Variants in COL18A1 observed in about 807,000 individuals in gnomAD.
COL18A1 encodes collagen alpha-1(XVIII) chain.
Under a neutral mutation model 168.0 loss-of-function variants are expected in COL18A1, and 133 were observed. That is an observed-to-expected ratio of 0.79 (90% confidence interval 0.69 to 0.91). COL18A1 has a LOEUF of 0.91. COL18A1 is among the 40% of genes least tolerant of loss of function. COL18A1 has a pLI of 0.00. For missense variants in COL18A1, 2,126 were observed against 1,925.4 expected, an observed-to-expected ratio of 1.10 and a Z score of -1.95; for synonymous variants, 949 against 809.0, an observed-to-expected ratio of 1.17 and a Z score of -2.94.
At chr21:45,460,091 G>T (rs549323716) in intron 2 of COL18A1, among the ~76,000 whole-genome samples, 1 of 151,796 alleles carries the variant, frequency 6.6e-6, no homozygotes, top group Non-Finnish European at 1.5e-5. Context: ...GGACAGACAC[G>T]TGTGCGTGCC....
chr21:45,469,268 C>T (rs752480537), intron 3 of COL18A1, among the ~76,000 whole-genome samples: 4 of 152,262 alleles, frequency 2.6e-5, no homozygotes, highest in East Asian at 1.9e-4. Flanking sequence ...CCACACGCCT[C>T]GTGGCCCCAT....
intron 15 of COL18A1, among the ~76,000 whole-genome samples, chr21:45,484,868 T>C (rs576125670): frequency 2.6e-4 from 39 of 152,248 alleles, no homozygotes; most frequent in Admixed American, 4.6e-4. Flanking sequence ...AAATTAGATA[T>C]GCATGTATGA....
Position 45,504,793 on chromosome 21 carries a change from G to C in COL18A1, c.2868+237G>C, listed in dbSNP as rs767646662. On this transcript the variant is annotated intron_variant, in intron 34 of 41. Transcript: ENST00000651438. ...CGTTCCATGGCCTGCCCTCCTGCTGGGGCCACGTGCATCCACCTCTGCTCC... is the reference window on the plus strand; with the variant it reads ...CGTTCCATGGCCTGCCCTCCTGCTGCGGCCACGTGCATCCACCTCTGCTCC... 9.1e-4 allele frequency among the ~76,000 whole-genome samples: 138 copies of C among 152,232 alleles called. 1 individual carries two copies. The highest frequency in any genetic ancestry group is 1.7e-3 in the Non-Finnish European group (118 of 67,978).
chr21:45,472,104 C>G (rs756573920), intron 3 of COL18A1, among the ~76,000 whole-genome samples: 2 of 152,204 alleles, frequency 1.3e-5, no homozygotes, highest in African/African-American at 2.4e-5. Context: ...ACGGGCCTCT[C>G]TGGACAGTGC....
At chr21:45,421,842 C>T (rs1043803205) in intron 2 of COL18A1, among the ~76,000 whole-genome samples, 3 of 151,972 alleles carry the variant, frequency 2.0e-5, no homozygotes, top group Non-Finnish European at 2.9e-5. Flanking sequence ...AGCCCGGGGT[C>T]CCCCAGGGCC....
At chr21:45,450,219 C>A (rs1277903759) in intron 2 of COL18A1, among the ~76,000 whole-genome samples, 2 of 152,170 alleles carry the variant, frequency 1.3e-5, no homozygotes, top group African/African-American at 4.8e-5. Context: ...TGAGGGGTCT[C>A]TGCAGGACAT....
intron 5 of COL18A1, 129 bp downstream of exon 5, chr21:45,475,664 C>A: frequency 1.2e-6 from 1 of 836,214 alleles, no homozygotes; most frequent in Non-Finnish European, 1.9e-6. Context: ...AGACATATTC[C>A]TGGCTGGGGA....
At position 45,455,717 on chromosome 21, in the gene COL18A1, C is replaced by T. The variant is rs2145851323; in HGVS notation, c.107-12525C>T. 1.2e-6 allele frequency: 2 copies of T among 1,613,962 alleles called. No individual in the cohort carries two copies. The highest frequency in any genetic ancestry group is 8.5e-7 in the Non-Finnish European group (1 of 1,180,004). On this transcript the variant is annotated intron_variant, in intron 2 of 41. Coordinates refer to ENST00000651438, the MANE Select transcript of COL18A1 (RefSeq NM_001379500.1). ...GCAGCCCACAGCAGATACCACCACA[C>T]ACGTGACCCCCCGGAATGGTTCCAC...
chr21:45,437,302 TCACACAGGCACTCTCCTGCACACA>T (rs2034153781), intron 2 of COL18A1, among the ~76,000 whole-genome samples: 1 of 29,138 alleles, frequency 3.4e-5, no homozygotes. Flanking sequence ...ACACACACAC[TCACACAGGCACTCTCCTGCACACA>T]CACACACTCA....
At chr21:45,467,838 G>A (rs1034925037) in intron 2 of COL18A1, among the ~76,000 whole-genome samples, 3 of 152,266 alleles carry the variant, frequency 2.0e-5, no homozygotes, top group African/African-American at 4.8e-5. Context: ...CGGGGGTGCC[G>A]GCCAGTCCCT....
At chr21:45,450,634 G>C (rs1037281987) in intron 2 of COL18A1, among the ~76,000 whole-genome samples, 1 of 152,226 alleles carries the variant, frequency 6.6e-6, no homozygotes, top group East Asian at 1.9e-4. Context: ...ACCCTGGCTC[G>C]GGGCAGGGCG....
chr21:45,445,463 C>G lies in COL18A1; in HGVS notation c.107-22779C>G, dbSNP rs186927432. ...TGTGGACGTGTGTCTTCGTTTCTCTCGGGTATATACCTAAGGTGGAATCAC... is the reference window on the plus strand; with the variant it reads ...TGTGGACGTGTGTCTTCGTTTCTCTGGGGTATATACCTAAGGTGGAATCAC... On this transcript the variant is annotated intron_variant, in intron 2 of 41. Transcript: ENST00000651438. Among the ~76,000 whole-genome samples the G allele has an allele frequency of 7.3e-3, 1,106 of 152,284 alleles. 2 individuals carry two copies. Among genetic ancestry groups the G allele is most frequent in the Non-Finnish European group, 0.012 (805 of 68,022 alleles).
At chr21:45,493,822 G>A (rs1867000741) in intron 26 of COL18A1, 2 of 549,466 alleles carry the variant, frequency 3.6e-6, no homozygotes, top group Non-Finnish European at 6.5e-6. Context: ...GCTGAGGGGA[G>A]GTTCTCAGTG....
rs557648628 is a variant in COL18A1 at position 45,473,007 on chromosome 21, C to T, written c.652-888C>T. ...GGGAGCCCCAGGCTCCAGCTGGCCT[C>T]GCTTGGCTCTGAAATCTAGGCCAGG... On this transcript the variant is annotated intron_variant, in intron 3 of 41. Transcript: ENST00000651438. The surrounding 1 kb of genome is among the most constrained non-coding windows in gnomAD (Gnocchi z 4.0). Among the ~76,000 whole-genome samples the T allele has an allele frequency of 2.7e-3, 417 of 152,352 alleles. 1 individual carries two copies. Among genetic ancestry groups the T allele is most frequent in the Non-Finnish European group, 4.3e-3 (291 of 68,018 alleles).
At position 45,509,526 on chromosome 21, in the gene COL18A1, C is replaced by T. The variant is rs1285440461; in HGVS notation, c.3420C>T (p.His1140=). The T allele has an allele frequency of 7.8e-6, 12 of 1,536,340 alleles. No individual in the cohort carries two copies. Among genetic ancestry groups the T allele is most frequent in the African/African-American group, 1.4e-5 (1 of 73,314 alleles). ...AGCCCTACCCCGGAGCCCCGCACCACAGCTCCTACGTGCACCTGCGGCCGG... is the reference window on the plus strand; with the variant it reads ...AGCCCTACCCCGGAGCCCCGCACCATAGCTCCTACGTGCACCTGCGGCCGG... The part of the protein sequence containing the change: ...EPQPYPGAPH[H]SSYVHLRPAR... The change falls in exon 39 of 42, where the codon CAC becomes CAT. Residue 1140 remains histidine (H), a synonymous_variant. Coordinates refer to ENST00000651438, the MANE Select transcript of COL18A1 (RefSeq NM_001379500.1).
At chr21:45,427,590 A>G (rs1447415276) in intron 2 of COL18A1, among the ~76,000 whole-genome samples, 1 of 151,862 alleles carries the variant, frequency 6.6e-6, no homozygotes, top group East Asian at 1.9e-4. Flanking sequence ...CACCAGCACC[A>G]CGGCGGGCGG....
At chr21:45,411,768 G>GGC in intron 2 of COL18A1, among the ~76,000 whole-genome samples, 1 of 106,688 alleles carries the variant, frequency 9.4e-6, no homozygotes, top group East Asian at 3.8e-4. Flanking sequence ...GCGGGGGGTG[G>GGC]GGGGGGGGCA....
Position 45,437,207 on chromosome 21 carries a change from CCTG to C in COL18A1, c.107-31033_107-31031del, listed in dbSNP as rs1182595671. Among the ~76,000 whole-genome samples, 11 of 116,058 alleles carry C rather than the reference CCTG, an allele frequency of 9.5e-5. 1 individual carries two copies. The highest frequency in any genetic ancestry group is 4.4e-4 in the African/African-American group (11 of 24,834). The allele number at this position is 116,058 out of a possible 152,430, so 76.1% of individuals were successfully genotyped here. On this transcript the variant is annotated intron_variant, in intron 2 of 41. Transcript: ENST00000651438. ...ACTCACACAGACACACAGGCACTCT[CCTG>C]CACACACACACACAGACACACAGGC... is the stretch of plus-strand genomic sequence containing the variant.
chr21:45,410,193 G>C (rs2033247395), intron 2 of COL18A1: 1 of 152,230 alleles, frequency 6.6e-6, no homozygotes, highest in South Asian at 2.1e-4. Flanking sequence ...TCAAGCCCCT[G>C]CATCTTTCTG....
Sources: allele counts gnomAD v4.1 joint callset (sites outside exome capture counted in the v4.1 genomes callset), GRCh38; gene constraint gnomAD v4.1.1; non-coding constraint Gnocchi (gnomAD v3.1); transcripts MANE v1.5; gene names NCBI Gene and HGNC (gene_info 2026-07-23, HGNC 2026-07-21).